Variants in PPIP5K2 observed in about 807,000 individuals in gnomAD.
The protein encoded by PPIP5K2 is inositol hexakisphosphate and diphosphoinositol-pentakisphosphate kinase 2.
In PPIP5K2, 105 loss-of-function variants were observed where a neutral mutation model predicts 154.6. The observed-to-expected ratio is 0.68, with a 90% CI of 0.58 to 0.80. The LOEUF is 0.80. Among genes scored for constraint, PPIP5K2 ranks in the 30% least tolerant of loss-of-function variants. The probability of loss-of-function intolerance (pLI) is 0.00; values close to 1 mark genes in which losing one functional copy is unlikely to be tolerated. For missense variants in PPIP5K2, 992 were observed against 1,504.6 expected, an observed-to-expected ratio of 0.66 and a Z score of 5.64; for synonymous variants, 480 against 490.3, an observed-to-expected ratio of 0.98 and a Z score of 0.28.
rs1554214544 is a variant in PPIP5K2, at chr5:103,158,581, T to C, written c.1737+8T>C. The C allele has an allele frequency of 3.8e-6, 6 of 1,563,404 alleles. No individual in the cohort carries two copies. The highest frequency in any genetic ancestry group is 5.2e-6 in the Non-Finnish European group (6 of 1,162,976). The stretch of plus-strand genomic sequence containing the variant: ...GCAGCTGCTTTTGCAAAGGTATAAA[T>C]AATTTTTTTTTAGAATTATTAGAGT... On this transcript the variant is annotated splice_region_variant and intron_variant, in intron 16 of 30. Transcript: ENST00000358359.
At chr5:103,181,581 A>G (rs1799561700) in intron 24 of PPIP5K2, among the ~76,000 whole-genome samples, 2 of 152,176 alleles carry the variant, frequency 1.3e-5, no homozygotes. Context: ...CAAAAAATAA[A>G]TAAATAAATA....
At position 103,207,571 on chromosome 5, in the gene PPIP5K2, A is replaced by T. The variant is rs1580534480; in HGVS notation, c.*5937A>T. On this transcript the variant is annotated 3_prime_UTR_variant, in exon 31 of 31. Coordinates refer to ENST00000358359, the MANE Select transcript of PPIP5K2 (RefSeq NM_001276277.3). ...ATGATTTTGAATTATATTTAATTTTAAAGTCTATATATATATATATATAGA... is the reference window on the plus strand; with the variant it reads ...ATGATTTTGAATTATATTTAATTTTTAAGTCTATATATATATATATATAGA... 2 of 152,094 alleles carry T rather than the reference A, an allele frequency of 1.3e-5. No homozygotes were observed. The highest frequency in any genetic ancestry group is 6.8e-3 in the Middle Eastern group (2 of 294). 9.4% of individuals were successfully genotyped at this position (152,094 alleles called of 1,614,324 possible).
intron 30 of PPIP5K2, among the ~76,000 whole-genome samples, chr5:103,197,577 T>TC (rs1554228951): frequency 7.1e-6 from 1 of 140,380 alleles, no homozygotes; most frequent in East Asian, 2.0e-4. Flanking sequence ...AAATTTTTTT[T>TC]TTTTTTTTTT....
chr5:103,187,243 T>G, intron 27 of PPIP5K2, 71 bp from the exon 28 acceptor site: 1 of 1,183,374 alleles, frequency 8.5e-7, no homozygotes, highest in Non-Finnish European at 1.2e-6. Context: ...TATTTGTTTT[T>G]CCCCTCTTTC....
intron 3 of PPIP5K2, among the ~76,000 whole-genome samples, chr5:103,135,570 A>G (rs1554203897): frequency 6.6e-6 from 1 of 152,102 alleles, no homozygotes; most frequent in African/African-American, 2.4e-5. Context: ...GGATAGAACT[A>G]CAGGTTGCAC....
In PPIP5K2 at chr5:103,172,216, A is replaced by G. The variant is rs78402082; in HGVS notation, c.2287-939A>G. On this transcript the variant is annotated intron_variant, in intron 19 of 30. Transcript: ENST00000358359. Reference sequence around the variant, plus strand: ...ACAGTTGCATATTCACTATATAGTCACCTACATTGGCAAGATTATTGAACC... The same window carrying G: ...ACAGTTGCATATTCACTATATAGTCGCCTACATTGGCAAGATTATTGAACC... 6.7e-3 allele frequency among the ~76,000 whole-genome samples: 1,020 copies of G among 151,726 alleles called. 7 individuals are homozygous for G. The highest frequency in any genetic ancestry group is 0.013 in the Non-Finnish European group (847 of 67,682).
intron 17 of PPIP5K2, among the ~76,000 whole-genome samples, chr5:103,163,318 T>C (rs1183125389): frequency 6.6e-6 from 1 of 151,970 alleles, no homozygotes; most frequent in Non-Finnish European, 1.5e-5. Context: ...TGTGCATCTT[T>C]GTTAGATTTA....
At chr5:103,184,057 G>A (rs186202937) in intron 25 of PPIP5K2, among the ~76,000 whole-genome samples, 154 of 152,194 alleles carry the variant, frequency 1.0e-3, no homozygotes, top group Middle Eastern at 6.8e-3. Flanking sequence ...AAAATAAAAT[G>A]ACTTCAGAAG....
chr5:103,177,220 T>C (rs1798858631), intron 21 of PPIP5K2, among the ~76,000 whole-genome samples: 1 of 151,994 alleles, frequency 6.6e-6, no homozygotes, highest in Admixed American at 6.6e-5. Context: ...CTAGAACTTC[T>C]AATATAGGTT....
chr5:103,170,259 A>C (rs1180629100), intron 19 of PPIP5K2, among the ~76,000 whole-genome samples: 1 of 151,580 alleles, frequency 6.6e-6, no homozygotes, highest in Admixed American at 6.6e-5. Flanking sequence ...ATACCAGAAG[A>C]AGCACTAAAG....
At chr5:103,190,080 AT>A (rs1252674270) in intron 28 of PPIP5K2, among the ~76,000 whole-genome samples, 4 of 151,970 alleles carry the variant, frequency 2.6e-5, no homozygotes, top group African/African-American at 9.7e-5. Context: ...CCTATATCCT[AT>A]TTGTTTAAAA....
At chr5:103,151,549 G>T (rs1794651969) in intron 9 of PPIP5K2, among the ~76,000 whole-genome samples, 175 bp downstream of exon 9, 1 of 151,264 alleles carries the variant, frequency 6.6e-6, no homozygotes, top group Non-Finnish European at 1.5e-5. Flanking sequence ...GCTTATCAAA[G>T]ACAGATTAAT....
rs544389849 is a variant in PPIP5K2 at position 103,207,458 on chromosome 5, C to A, written c.*5824C>A. On this transcript the variant is annotated 3_prime_UTR_variant, in exon 31 of 31. Coordinates refer to ENST00000358359, the MANE Select transcript of PPIP5K2 (RefSeq NM_001276277.3). Reference sequence around the variant, plus strand: ...AGGGCATGGATAATGGATACATAATCAGCAATGTATGCTGTATACTACACT... The same window carrying A: ...AGGGCATGGATAATGGATACATAATAAGCAATGTATGCTGTATACTACACT... The A allele has an allele frequency of 1.3e-5, 2 of 152,272 alleles. No individual in the cohort carries two copies. Among genetic ancestry groups the A allele is most frequent in the African/African-American group, 2.4e-5 (1 of 41,568 alleles). The allele number at this position is 152,272 out of a possible 1,614,324, so 9.4% of individuals were successfully genotyped here. A position where few individuals can be genotyped will look rare whatever the true frequency, so the allele number is the denominator to read the frequency against.
chr5:103,149,093 T>TAC (rs138096296), intron 7 of PPIP5K2, 59 bp from the exon 8 acceptor site: 889 of 1,171,800 alleles, frequency 7.6e-4, no homozygotes, highest in South Asian at 9.8e-4. Context: ...GTCTGTTGGT[T>TAC]ACACACACAC....
At position 103,189,830 on chromosome 5, in the gene PPIP5K2, C is replaced by T. The variant is rs144481738; in HGVS notation, c.3353-1012C>T. 6.6e-5 allele frequency among the ~76,000 whole-genome samples: 10 copies of T among 152,106 alleles called. No individual in the cohort carries two copies. The East Asian group carries it at 1.2e-3, about 18-fold the overall frequency. ...ATCAGTCAATTTAAAAATGAGCACA[C>T]GCCTATTGAAGCAGAATGTTGCAGT... On this transcript the variant is annotated intron_variant, in intron 28 of 30. Transcript: ENST00000358359.
Position 103,204,143 on chromosome 5 carries a change from T to C in PPIP5K2, c.*2509T>C, listed in dbSNP as rs1803351179. The C allele has an allele frequency of 6.6e-6, 1 of 152,224 alleles. No homozygotes were observed. The highest frequency in any genetic ancestry group is 1.5e-5 in the Non-Finnish European group (1 of 68,038). 9.4% of individuals were successfully genotyped at this position (152,224 alleles called of 1,614,324 possible). ...GGGTTGACTCTGTCTGACCTAAATG[T>C]CCACTGTTAACTAGTGCCATGCCAG... On this transcript the variant is annotated 3_prime_UTR_variant, in exon 31 of 31. Transcript: ENST00000358359.
At chr5:103,176,843 G>A in intron 21 of PPIP5K2, 1 of 1,319,134 alleles carries the variant, frequency 7.6e-7, no homozygotes, top group African/African-American at 1.5e-5. Flanking sequence ...CAGTTCTGAT[G>A]CTCTATGATT....
Position 103,180,094 on chromosome 5 carries a change from G to T in PPIP5K2, c.2828G>T (p.Arg943Leu). 1.2e-6 allele frequency: 2 copies of T among 1,603,952 alleles called. No homozygotes were observed. Among genetic ancestry groups the T allele is most frequent in the Non-Finnish European group, 1.7e-6 (2 of 1,175,920 alleles). ...PHTSKRDEVD[R>L]AVILFKPMVS... is the part of the protein sequence containing the mutation. ...ACTTCTAAAAGAGATGAAGTTGATCGAGCTGTGATATTGTTTAAACCAATG... is the reference window on the plus strand; with the variant it reads ...ACTTCTAAAAGAGATGAAGTTGATCTAGCTGTGATATTGTTTAAACCAATG... Residue 943 changes from arginine (R) to leucine (L), a missense_variant, in exon 24 of 31, where the codon CGA becomes CTA. Coordinates refer to ENST00000358359, the MANE Select transcript of PPIP5K2 (RefSeq NM_001276277.3).
In PPIP5K2 at chr5:103,177,712, G is replaced by C. The variant is rs540579031; in HGVS notation, c.2575G>C (p.Val859Leu). The change falls in exon 22 of 31, where the codon GTT (valine) becomes CTT (leucine). Residue 859 changes from valine (V) to leucine (L), a missense_variant. Physicochemically the swap from Val to Leu is conservative, Grantham distance 32. This residue lies in a region of PPIP5K2 where 157 missense variants were observed against 281.2 expected (regional missense o/e 0.56). Transcript: ENST00000358359. ...GAAACGAGCTATGGATTATTTAAACGTTGTCAATGAGCTCAACTACATGAC... is the reference window on the plus strand; with the variant it reads ...GAAACGAGCTATGGATTATTTAAACCTTGTCAATGAGCTCAACTACATGAC... Reference protein sequence around the residue: ...QWKRAMDYLNVVNELNYMTQI... With the variant: ...QWKRAMDYLNLVNELNYMTQI... The C allele has an allele frequency of 1.9e-6, 3 of 1,611,920 alleles. No individual in the cohort carries two copies. The highest frequency in any genetic ancestry group is 2.5e-6 in the Non-Finnish European group (3 of 1,178,964).
Sources: allele counts gnomAD v4.1 joint callset (sites outside exome capture counted in the v4.1 genomes callset), GRCh38; gene constraint gnomAD v4.1.1; regional missense constraint gnomAD v4.1.1; transcripts MANE v1.5; gene names NCBI Gene and HGNC (gene_info 2026-07-23, HGNC 2026-07-21).